The following SPG21 variants were observed in gnomAD, a reference collection of about 807,000 sequenced individuals.
The protein encoded by SPG21 is SPG21 abhydrolase domain containing, maspardin.
In SPG21, 26 loss-of-function variants were observed where a neutral mutation model predicts 38.9. That is an observed-to-expected ratio of 0.67 (90% CI 0.49 to 0.93). SPG21 has a LOEUF of 0.93. Ranked by LOEUF, SPG21 falls within the 40% of genes least tolerant of loss-of-function variation. SPG21 has a pLI of 0.00. For synonymous variants in SPG21, 136 were observed against 128.9 expected (o/e 1.05, Z -0.37); for missense variants, 333 against 376.5 (o/e 0.88, Z 0.96).
intron 7 of SPG21, among the ~76,000 whole-genome samples, chr15:64,968,953 G>T (rs1449340830): frequency 6.6e-6 from 1 of 151,818 alleles, no homozygotes; most frequent in Non-Finnish European, 1.5e-5. Flanking sequence ...TGTTGCCCAG[G>T]CTGGTCCTGA....
chr15:64,963,469 T>A lies in SPG21; in HGVS notation c.*151A>T. On this transcript the variant is annotated 3_prime_UTR_variant, in exon 9 of 9. Transcript: ENST00000204566. Reference sequence around the variant, plus strand: ...ACAGGCTTAGTGGAGATGCCGCCTGTCATGAAGATGACCATCAGTCCTACT... The same window carrying A: ...ACAGGCTTAGTGGAGATGCCGCCTGACATGAAGATGACCATCAGTCCTACT... 1.5e-6 allele frequency: 1 copy of A among 684,706 alleles called. No homozygotes were observed. The highest frequency in any genetic ancestry group is 2.6e-6 in the Non-Finnish European group (1 of 380,056). 42.4% of individuals were successfully genotyped at this position (684,706 alleles called of 1,614,324 possible).
chr15:64,966,684 G>A (rs992265478), intron 7 of SPG21, among the ~76,000 whole-genome samples: 3 of 152,212 alleles, frequency 2.0e-5, no homozygotes, highest in Admixed American at 6.5e-5. Context: ...CAGATCATGA[G>A]GTCAGGAGAT....
Position 64,976,451 on chromosome 15 carries a change from T to C in SPG21, c.306+24A>G, listed in dbSNP as rs777512152. ...AAAAATAAAAAAAAAATTGTATGTATGTAATTAGTTTCAGGGTACTCACTT... is the reference window on the plus strand; with the variant it reads ...AAAAATAAAAAAAAAATTGTATGTACGTAATTAGTTTCAGGGTACTCACTT... On this transcript the variant is annotated intron_variant, in intron 4 of 8. Transcript: ENST00000204566. The C allele has an allele frequency of 3.9e-6, 6 of 1,523,828 alleles. No homozygotes were observed. The South Asian group carries it at 4.5e-5, about 11-fold the overall frequency. The allele number at this position is 1,523,828 out of a possible 1,614,324, so 94.4% of individuals were successfully genotyped here. A position where few individuals can be genotyped will look rare whatever the true frequency, so the allele number is the denominator to read the frequency against.
Position 64,980,987 on chromosome 15 carries a change from G to T in SPG21, c.102C>A (p.Leu34=). Residue 34 remains leucine, a synonymous_variant, in exon 3 of 9, where the codon CTC becomes CTA. Transcript: ENST00000204566. ...TGATACTTCGGGGGCCCGCGTCATA[G>T]AGCGACCATATCTTACTGTCATCAT... ...VDDDDSKIWS[L]YDAGPRSIRC... 1.2e-6 allele frequency: 2 copies of T among 1,614,146 alleles called. No homozygotes were observed. Among genetic ancestry groups the T allele is most frequent in the Non-Finnish European group, 1.7e-6 (2 of 1,180,022 alleles).
At chr15:64,965,582 T>A in intron 7 of SPG21, 122 bp from the exon 8 acceptor site, 1 of 1,441,380 alleles carries the variant, frequency 6.9e-7, no homozygotes, top group South Asian at 1.2e-5. Flanking sequence ...TTACCCTAAG[T>A]ATTCCTTTCA....
intron 2 of SPG21, 52 bp downstream of exon 2, chr15:64,983,455 C>T (rs889878652): frequency 4.6e-6 from 6 of 1,299,558 alleles, no homozygotes; most frequent in African/African-American, 4.4e-5. Flanking sequence ...AAATCACACA[C>T]AAAAACAATA....
intron 1 of SPG21, chr15:64,987,498 T>A (rs1358601966): frequency 6.6e-6 from 1 of 152,242 alleles, no homozygotes; most frequent in Non-Finnish European, 1.5e-5. Flanking sequence ...ATTCTGTATA[T>A]GGCAAAGGTT....
chr15:64,986,116 C>T (rs1056264528), intron 1 of SPG21, among the ~76,000 whole-genome samples: 7 of 152,142 alleles, frequency 4.6e-5, no homozygotes, highest in Admixed American at 2.0e-4. Context: ...GCCTGTAATC[C>T]CAGCATTTTG....
chr15:64,966,967 A>G (rs2085551929), intron 7 of SPG21, among the ~76,000 whole-genome samples: 1 of 152,184 alleles, frequency 6.6e-6, no homozygotes, highest in Admixed American at 6.5e-5. Flanking sequence ...TCCATTTATA[A>G]GGCAAAATAA....
intron 5 of SPG21, among the ~76,000 whole-genome samples, chr15:64,974,025 A>G (rs890891861): frequency 6.6e-6 from 1 of 152,254 alleles, no homozygotes; most frequent in African/African-American, 2.4e-5. Flanking sequence ...AGAACATGGT[A>G]TTAGTTACAT....
chr15:64,977,415 A>T (rs953260961), intron 3 of SPG21, among the ~76,000 whole-genome samples: 1 of 152,120 alleles, frequency 6.6e-6, no homozygotes, highest in Non-Finnish European at 1.5e-5. Context: ...GCTGGAGTGC[A>T]TTGGCACGAT....
intron 5 of SPG21, among the ~76,000 whole-genome samples, chr15:64,973,108 T>G (rs2085703740): frequency 6.6e-6 from 1 of 151,058 alleles, no homozygotes; most frequent in African/African-American, 2.4e-5. Flanking sequence ...GGACTGCAGG[T>G]GCATACCATG....
At chr15:64,980,416 A>G (rs1211640697) in intron 3 of SPG21, among the ~76,000 whole-genome samples, 1 of 152,070 alleles carries the variant, frequency 6.6e-6, no homozygotes. Flanking sequence ...CACATATTAA[A>G]ATAAGCAAAC....
chr15:64,963,834 C>A, intron 8 of SPG21, 98 bp from the exon 9 acceptor site: 1 of 1,033,092 alleles, frequency 9.7e-7, no homozygotes, highest in Non-Finnish European at 1.5e-6. Context: ...TTGGTTCACT[C>A]CAACCTCCGC....
At chr15:64,970,450 A>T (rs144322498) in intron 5 of SPG21, among the ~76,000 whole-genome samples, 136 of 152,348 alleles carry the variant, frequency 8.9e-4, no homozygotes, top group African/African-American at 3.2e-3. Context: ...ATTATAAGAG[A>T]TATTTCAAAA....
In SPG21 at chr15:64,983,565, C is replaced by T; in HGVS notation, c.5G>A (p.Gly2Glu). The part of the protein sequence containing the change: M[G>E]EIKVSPDYNW... ...ATAATCAGGAGAGACTTTAATCTCTCCCATGATTAGCTGAAATGGAGGTTA... is the reference window on the plus strand; with the variant it reads ...ATAATCAGGAGAGACTTTAATCTCTTCCATGATTAGCTGAAATGGAGGTTA... Residue 2 changes from glycine to glutamate, a missense_variant, in exon 2 of 9, where the codon GGA (glycine) becomes GAA (glutamate). Transcript: ENST00000204566. 1 of 1,572,720 alleles carries T rather than the reference C, an allele frequency of 6.4e-7. No homozygotes were observed. The highest frequency in any genetic ancestry group is 1.8e-5 in the Admixed American group (1 of 55,614).
intron 5 of SPG21, among the ~76,000 whole-genome samples, chr15:64,972,863 C>A (rs1034662766): frequency 7.6e-6 from 1 of 131,360 alleles, no homozygotes; most frequent in Non-Finnish European, 1.8e-5. Flanking sequence ...CAAACAACAA[C>A]AAAAAAAACT....
intron 1 of SPG21, among the ~76,000 whole-genome samples, chr15:64,984,655 A>G (rs1326960024): frequency 6.6e-6 from 1 of 152,084 alleles, no homozygotes; most frequent in Non-Finnish European, 1.5e-5. Context: ...CCCAGCCTAG[A>G]GAAAGAAGTT....
At chr15:64,978,843 A>T (rs1383937460) in intron 3 of SPG21, among the ~76,000 whole-genome samples, 1 of 152,186 alleles carries the variant, frequency 6.6e-6, no homozygotes, top group Non-Finnish European at 1.5e-5. Context: ...CCTGAATGAG[A>T]TTGGTAGATT....
Sources: allele counts gnomAD v4.1 joint callset (sites outside exome capture counted in the v4.1 genomes callset), GRCh38; gene constraint gnomAD v4.1.1; transcripts MANE v1.5; gene names NCBI Gene and HGNC (gene_info 2026-07-23, HGNC 2026-07-21).